The following NUP133 variants were observed in gnomAD, a reference collection of about 807,000 sequenced individuals.
NUP133 encodes the protein nucleoporin 133, also known as nuclear pore complex protein Nup133.
NUP133 carries 66 observed loss-of-function variants against 146.2 expected under a neutral mutation model. The observed-to-expected ratio is 0.45, with a 90% CI of 0.37 to 0.55. The LOEUF (loss-of-function observed/expected upper bound fraction) is 0.55. Among genes scored for constraint, NUP133 ranks in the 20% least tolerant of loss-of-function variants. NUP133 has a pLI of 0.00. For missense variants in NUP133, 1,277 were observed against 1,374.8 expected, an observed-to-expected ratio of 0.93 and a Z score of 1.12; for synonymous variants, 521 against 498.8, an observed-to-expected ratio of 1.04 and a Z score of -0.59.
Position 229,442,714 on chromosome 1 carries a change from C to CT in NUP133, c.3335-675dup, listed in dbSNP as rs67964058. On this transcript the variant is annotated intron_variant, in intron 25 of 25. Coordinates refer to ENST00000261396, the MANE Select transcript of NUP133 (RefSeq NM_018230.3). ...AAGGGCCTTGCATCATTTTTTGGTT[C>CT]TTTTTTTTTTTTTTTTTCAGGCGGA... Among the ~76,000 whole-genome samples, 323 of 126,468 alleles carry CT rather than the reference C, an allele frequency of 2.6e-3. 2 individuals are homozygous for CT. The South Asian group carries it at 0.03, about 12-fold the overall frequency. The allele number at this position is 126,468 out of a possible 152,430, so 83.0% of individuals were successfully genotyped here.
At chr1:229,475,530 G>A in intron 14 of NUP133, 108 bp downstream of exon 14, 1 of 745,002 alleles carries the variant, frequency 1.3e-6, no homozygotes, top group Non-Finnish European at 2.3e-6. Context: ...GAAAACACCA[G>A]TCATGCCCCA....
At chr1:229,498,525 G>A (rs1661714180) in intron 5 of NUP133, among the ~76,000 whole-genome samples, 1 of 152,136 alleles carries the variant, frequency 6.6e-6, no homozygotes, top group East Asian at 1.9e-4. Flanking sequence ...AAACTGGCCA[G>A]GCATGGTGGC....
chr1:229,477,606 C>T lies in NUP133; in HGVS notation c.1747G>A (p.Val583Ile), dbSNP rs1476524195. ...PASDPRWAES[V>I]PEEAPGFSNT... ...ATTGAAACATTCTTACCCTCAGGGA[C>T]AGACTCAGCCCACCGTGGGTCAGAT... The change falls in exon 13 of 26, where the codon GTC becomes ATC. Residue 583 changes from valine to isoleucine, a missense_variant. This residue lies in a region of NUP133 where 952 missense variants were observed against 1,047.0 expected (regional missense o/e 0.91). Transcript: ENST00000261396. 3.1e-6 allele frequency: 5 copies of T among 1,611,544 alleles called. No homozygotes were observed. The Admixed American group carries it at 6.7e-5, about 22-fold the overall frequency.
intron 21 of NUP133, 100 bp downstream of exon 21, chr1:229,458,061 G>A (rs1558091705): frequency 7.9e-7 from 1 of 1,260,308 alleles, no homozygotes; most frequent in Non-Finnish European, 1.1e-6. Flanking sequence ...GACAGGTCCT[G>A]TTTCTAAGAG....
chr1:229,508,277 C>T lies in NUP133; in HGVS notation c.-28G>A, dbSNP rs1183230450. On this transcript the variant is annotated 5_prime_UTR_variant, in exon 1 of 26. Transcript: ENST00000261396. ...CTCCAAGGAGCAGCGACTAGGACAG[C>T]GAGGGATCTGGCCGTCAGGTTGCAG... 3 of 1,415,432 alleles carry T rather than the reference C, an allele frequency of 2.1e-6. No homozygotes were observed. Among genetic ancestry groups the T allele is most frequent in the South Asian group, 2.9e-5 (2 of 68,308 alleles). The allele number at this position is 1,415,432 out of a possible 1,614,324, so 87.7% of individuals were successfully genotyped here.
intron 13 of NUP133, 73 bp downstream of exon 13, chr1:229,477,524 T>C (rs1460805884): frequency 1.6e-6 from 2 of 1,213,554 alleles, no homozygotes; most frequent in Admixed American, 2.5e-5. Context: ...AAAAATATGC[T>C]TTAAGAGATG....
intron 19 of NUP133, among the ~76,000 whole-genome samples, chr1:229,462,564 ATT>A (rs879753600): frequency 1.4e-5 from 2 of 146,180 alleles, no homozygotes; most frequent in Non-Finnish European, 3.0e-5. Context: ...CACAATGGAA[ATT>A]TTTTTTTTTT....
Position 229,483,541 on chromosome 1 carries a change from C to T in NUP133, c.1592+513G>A, listed in dbSNP as rs1042374704. 9.2e-5 allele frequency among the ~76,000 whole-genome samples: 14 copies of T among 151,832 alleles called. 1 individual carries two copies. The highest frequency in any genetic ancestry group is 3.4e-4 in the African/African-American group (14 of 41,338). On this transcript the variant is annotated intron_variant, in intron 12 of 25. Transcript: ENST00000261396. ...CCAACATGGTGAAACTCCATCTCTA[C>T]TAAAAATAAAAAAATTAGCTAGGTG...
At position 229,466,740 on chromosome 1, in the gene NUP133, G is replaced by A. The variant is rs374413292; in HGVS notation, c.2093C>T (p.Thr698Ile). 135 of 1,613,922 alleles carry A rather than the reference G, an allele frequency of 8.4e-5. No individual in the cohort carries two copies. The highest frequency in any genetic ancestry group is 8.0e-4 in the African/African-American group (60 of 74,984). ...VFFREVSQVD[T>I]ICECLLEHEE... ...ATGCTCCAGTAAGCACTCACAGATGGTATCTACTTGGGATACCTGAGAGAA... is the reference window on the plus strand; with the variant it reads ...ATGCTCCAGTAAGCACTCACAGATGATATCTACTTGGGATACCTGAGAGAA... Residue 698 changes from threonine (T) to isoleucine (I), a missense_variant, in exon 16 of 26, where the codon ACC (threonine) becomes ATC (isoleucine). This residue lies in a region of NUP133 where 952 missense variants were observed against 1,047.0 expected (regional missense o/e 0.91). Coordinates refer to ENST00000261396, the MANE Select transcript of NUP133 (RefSeq NM_018230.3).
At position 229,483,191 on chromosome 1, in the gene NUP133, C is replaced by T. The variant is rs533910599; in HGVS notation, c.1592+863G>A. ...ATGGCTCACAGTAGACTTGGCCTCC[C>T]GGGCTCATATGATCCTCCCAACTCA... On this transcript the variant is annotated intron_variant, in intron 12 of 25. Transcript: ENST00000261396. Among the ~76,000 whole-genome samples, 11 of 152,252 alleles carry T rather than the reference C, an allele frequency of 7.2e-5. No homozygotes were observed. In the East Asian group the frequency reaches 7.7e-4, roughly 11 times the overall value.
chr1:229,484,480 G>C (rs1185628244), intron 11 of NUP133, among the ~76,000 whole-genome samples: 2 of 152,092 alleles, frequency 1.3e-5, no homozygotes, highest in Admixed American at 1.3e-4. Context: ...GGACAAGCTT[G>C]GTCCATACCA....
At chr1:229,502,788 T>G (rs918606897) in intron 2 of NUP133, among the ~76,000 whole-genome samples, 1 of 134,068 alleles carries the variant, frequency 7.5e-6, no homozygotes, top group Non-Finnish European at 1.6e-5. Context: ...ATAGTGAGAC[T>G]CTCTCTCTTA....
rs1431030536 is a variant in NUP133, at chr1:229,441,579, C to G, written c.*325G>C. On this transcript the variant is annotated 3_prime_UTR_variant, in exon 26 of 26. Transcript: ENST00000261396. Reference sequence around the variant, plus strand: ...CTAGTAATTTTCATAGTCGCAGAAACTGAGGCCTAGAAGTGATTTGTACAT... The same window carrying G: ...CTAGTAATTTTCATAGTCGCAGAAAGTGAGGCCTAGAAGTGATTTGTACAT... 1 of 431,818 alleles carries G rather than the reference C, an allele frequency of 2.3e-6. No homozygotes were observed. Among genetic ancestry groups the G allele is most frequent in the Non-Finnish European group, 4.7e-6 (1 of 214,008 alleles). 26.7% of individuals were successfully genotyped at this position (431,818 alleles called of 1,614,324 possible). A position where few individuals can be genotyped will look rare whatever the true frequency, so the allele number is the denominator to read the frequency against.
At chr1:229,507,889 A>G (rs747666227) in intron 1 of NUP133, 179 bp downstream of exon 1, 53 of 984,280 alleles carry the variant, frequency 5.4e-5, no homozygotes, top group Non-Finnish European at 6.3e-5. Context: ...TCAACTGATC[A>G]ACTGATAATC....
At chr1:229,505,947 G>T (rs1192059963) in intron 2 of NUP133, 93 bp downstream of exon 2, 2 of 729,146 alleles carry the variant, frequency 2.7e-6, no homozygotes, top group Non-Finnish European at 4.8e-6. Context: ...TTTACGTAAA[G>T]GTATACTAGA....
chr1:229,486,656 G>T, intron 10 of NUP133, 128 bp from the exon 11 acceptor site: 2 of 806,916 alleles, frequency 2.5e-6, no homozygotes, highest in Non-Finnish European at 1.9e-6. Flanking sequence ...TACAACATTA[G>T]TCCTACTTCG....
intron 13 of NUP133, 105 bp from the exon 14 acceptor site, chr1:229,475,837 C>T (rs1235965372): frequency 1.1e-5 from 10 of 879,986 alleles, no homozygotes; most frequent in African/African-American, 3.3e-5. Context: ...AGGCTAGGCA[C>T]GGTGGCTCAC....
chr1:229,481,424 G>A (rs1661209307), intron 12 of NUP133, among the ~76,000 whole-genome samples: 3 of 152,192 alleles, frequency 2.0e-5, no homozygotes, highest in South Asian at 4.1e-4. Context: ...AGAAGGCCAC[G>A]TGGGCTGGGC....
At chr1:229,464,571 C>T in intron 18 of NUP133, 53 bp downstream of exon 18, 1 of 1,585,818 alleles carries the variant, frequency 6.3e-7, no homozygotes. Context: ...AACTATTCAA[C>T]CCTTTCATCC....
Sources: gnomAD v4.1 joint callset for allele counts (sites outside exome capture counted in the v4.1 genomes callset) on GRCh38, gnomAD v4.1.1 for gene constraint, gnomAD v4.1.1 regional missense constraint, MANE v1.5 for transcripts, NCBI Gene and HGNC (gene_info 2026-07-23, HGNC 2026-07-21) for gene names.